ZNF214: variants seen among roughly 807,000 people sequenced by gnomAD.
The protein encoded by ZNF214 is BWSCR2-associated zinc finger protein 1.
ZNF214 carries 43 observed loss-of-function variants against 53.9 expected under a neutral mutation model. The observed-to-expected ratio is 0.80, with a 90% CI of 0.63 to 1.03. The LOEUF (loss-of-function observed/expected upper bound fraction) is 1.03, where lower values mean the gene tolerates loss of function less well. Among genes scored for constraint, ZNF214 ranks in the 50% least tolerant of loss-of-function variants. The probability of loss-of-function intolerance (pLI) is 0.00; values close to 1 mark genes in which losing one functional copy is unlikely to be tolerated. For synonymous variants in ZNF214, 217 were observed against 229.5 expected, an observed-to-expected ratio of 0.95 and a Z score of 0.49; for missense variants, 724 against 719.1, an observed-to-expected ratio of 1.01 and a Z score of -0.08.
In ZNF214 at chr11:6,997,227, T is replaced by C. The variant is rs1851201751; in HGVS notation, c.*2635A>G. ...TTGTATTTTTGCCCAACTTAATGAG[T>C]TTAAATTAGTGCACTTTTCACCTTT... On this transcript the variant is annotated 3_prime_UTR_variant, in exon 3 of 3. Coordinates refer to ENST00000278314, the MANE Select transcript of ZNF214 (RefSeq NM_013249.4). 6.6e-6 allele frequency among the ~76,000 whole-genome samples: 1 copy of C among 151,832 alleles called. No homozygotes were observed. Among genetic ancestry groups the C allele is most frequent in the African/African-American group, 2.4e-5 (1 of 41,384 alleles).
chr11:7,019,783 T>C (rs1289223690), intron 1 of ZNF214: 4 of 152,250 alleles, frequency 2.6e-5, no homozygotes, highest in Non-Finnish European at 5.9e-5. Flanking sequence ...ACCCTCTTTC[T>C]CTAGGGAAAA....
intron 1 of ZNF214, among the ~76,000 whole-genome samples, chr11:7,008,422 G>T (rs1190471043): frequency 6.6e-6 from 1 of 152,058 alleles, no homozygotes; most frequent in Non-Finnish European, 1.5e-5. Context: ...GACAGAGCGA[G>T]ATGCTGTCTT....
rs752198171 is a variant in ZNF214, at chr11:6,999,918, T to A, written c.1765A>T (p.Lys589Ter). 6 of 1,612,736 alleles carry A rather than the reference T, an allele frequency of 3.7e-6. No homozygotes were observed. Among genetic ancestry groups the A allele is most frequent in the Non-Finnish European group, 3.4e-6 (4 of 1,179,254 alleles). The stretch of plus-strand genomic sequence containing the variant: ...AGATGTGAATTATGATCAAATCCCT[T>A]ATAATATTCACGGCATTTGTAAGGT... ...EKPYKCREYY[K>*]GFDHNSHLHN... The change falls in exon 3 of 3, where the codon AAG becomes TAG. Residue 589 changes from lysine (K) to a stop codon, truncating the protein, a stop_gained. Transcript: ENST00000278314. LOFTEE classifies it high-confidence loss of function.
Position 6,997,968 on chromosome 11 carries a change from C to T in ZNF214, c.*1894G>A, listed in dbSNP as rs1851225564. Among the ~76,000 whole-genome samples the T allele has an allele frequency of 6.6e-6, 1 of 151,902 alleles. No homozygotes were observed. The highest frequency in any genetic ancestry group is 2.4e-5 in the African/African-American group (1 of 41,404). ...GGAAACTATCCAGACAACTGCATATCTAATTGATTTCAGTGCTTATCACTA... is the reference window on the plus strand; with the variant it reads ...GGAAACTATCCAGACAACTGCATATTTAATTGATTTCAGTGCTTATCACTA... On this transcript the variant is annotated 3_prime_UTR_variant, in exon 3 of 3. Coordinates refer to ENST00000278314, the MANE Select transcript of ZNF214 (RefSeq NM_013249.4).
intron 1 of ZNF214, among the ~76,000 whole-genome samples, chr11:7,015,070 CAT>C (rs72042461): frequency 0.15 from 22,702 of 147,930 alleles, 2,118 homozygotes; most frequent in Non-Finnish European, 0.21. Context: ...AGAGTTCAGA[CAT>C]ATAAATAATA....
At chr11:7,015,338 G>A (rs1381602989) in intron 1 of ZNF214, among the ~76,000 whole-genome samples, 3 of 152,156 alleles carry the variant, frequency 2.0e-5, no homozygotes, top group Non-Finnish European at 4.4e-5. Flanking sequence ...ATCACTTTGG[G>A]AGGCCAAGGT....
chr11:7,017,567 T>C (rs11041140), intron 1 of ZNF214, among the ~76,000 whole-genome samples: 39,201 of 151,962 alleles, frequency 0.26, 5,416 homozygotes, highest in Admixed American at 0.32. Context: ...TGAAACCCCA[T>C]CTCTACTAAA....
Position 7,000,845 on chromosome 11 carries a change from C to G in ZNF214, c.838G>C (p.Val280Leu). The G allele has an allele frequency of 6.2e-7, 1 of 1,612,558 alleles. No individual in the cohort carries two copies. The highest frequency in any genetic ancestry group is 1.3e-5 in the African/African-American group (1 of 74,938). ...IGKKLYGCDE[V>L]DGNFHQSSGV... ...GAGCTCTGATGAAAGTTACCGTCAA[C>G]TTCATCACATCCGTACAGCTTCTTA... The change falls in exon 3 of 3, where the codon GTT (valine) becomes CTT (leucine). Residue 280 changes from valine to leucine, a missense_variant. Val to Leu is a conservative substitution (Grantham distance 32, BLOSUM62 1). Transcript: ENST00000278314.
At chr11:7,005,629 C>T (rs1851455334) in intron 1 of ZNF214, among the ~76,000 whole-genome samples, 1 of 152,056 alleles carries the variant, frequency 6.6e-6, no homozygotes, top group Non-Finnish European at 1.5e-5. Flanking sequence ...TGCCTATATA[C>T]TTCCTATAGT....
At chr11:7,002,419 A>C (rs1181640508) in intron 2 of ZNF214, among the ~76,000 whole-genome samples, 2 of 152,020 alleles carry the variant, frequency 1.3e-5, no homozygotes, top group African/African-American at 4.8e-5. Flanking sequence ...AAATAGCATG[A>C]AGAGAGAAAA....
chr11:7,008,725 A>G (rs1471213727), intron 1 of ZNF214, among the ~76,000 whole-genome samples: 1 of 152,142 alleles, frequency 6.6e-6, no homozygotes, highest in Non-Finnish European at 1.5e-5. Context: ...CTAATAAACA[A>G]CTTCAGGAAA....
chr11:7,013,720 C>T (rs554814642), intron 1 of ZNF214, among the ~76,000 whole-genome samples: 1 of 152,278 alleles, frequency 6.6e-6, no homozygotes, highest in African/African-American at 2.4e-5. Context: ...GTCACCCCCA[C>T]GACCTGGTGT....
chr11:7,001,642 T>C, intron 2 of ZNF214, 87 bp from the exon 3 acceptor site: 3 of 1,431,090 alleles, frequency 2.1e-6, no homozygotes, highest in East Asian at 2.3e-5. Flanking sequence ...CTTTAAATGA[T>C]AGGAATATAT....
At position 6,997,599 on chromosome 11, in the gene ZNF214, AAAG is replaced by A. The variant is rs1272028347; in HGVS notation, c.*2260_*2262del. On this transcript the variant is annotated 3_prime_UTR_variant, in exon 3 of 3. Transcript: ENST00000278314. The stretch of plus-strand genomic sequence containing the variant: ...TTTTAGGTTTGTAAAAAAAAAAAAA[AAAG>A]GCCTTTCTTAAATTGTCATTCAAAA... Among the ~76,000 whole-genome samples, 24 of 151,708 alleles carry A rather than the reference AAAG, an allele frequency of 1.6e-4. No individual in the cohort carries two copies. Among genetic ancestry groups the A allele is most frequent in the African/African-American group, 4.3e-4 (18 of 41,464 alleles).
chr11:7,003,967 G>T (rs1847499607), intron 1 of ZNF214, among the ~76,000 whole-genome samples: 1 of 151,332 alleles, frequency 6.6e-6, no homozygotes, highest in South Asian at 2.1e-4. Context: ...GAAAAATTTG[G>T]GATGCTCAGA....
intron 1 of ZNF214, among the ~76,000 whole-genome samples, chr11:7,013,585 A>G (rs150066339): frequency 1.3e-5 from 2 of 152,346 alleles, no homozygotes; most frequent in African/African-American, 4.8e-5. Flanking sequence ...TTACCAATAA[A>G]TAGCGTGGGC....
chr11:7,004,815 G>C (rs1389867317), intron 1 of ZNF214, among the ~76,000 whole-genome samples: 2 of 152,202 alleles, frequency 1.3e-5, no homozygotes, highest in East Asian at 3.9e-4. Flanking sequence ...GATGACTACA[G>C]TCCCTGCTGA....
intron 1 of ZNF214, among the ~76,000 whole-genome samples, chr11:7,005,820 C>T (rs1851459566): frequency 6.6e-6 from 1 of 152,004 alleles, no homozygotes; most frequent in African/African-American, 2.4e-5. Context: ...ATACCTTGTG[C>T]ATACATATGC....
intron 1 of ZNF214, among the ~76,000 whole-genome samples, chr11:7,011,625 C>A (rs1380449227): frequency 2.0e-5 from 3 of 151,976 alleles, no homozygotes; most frequent in Non-Finnish European, 2.9e-5. Flanking sequence ...GAATGACCAC[C>A]GTCACTGCTG....
Sources: gnomAD v4.1 joint callset for allele counts (sites outside exome capture counted in the v4.1 genomes callset) on GRCh38, gnomAD v4.1.1 for gene constraint, MANE v1.5 for transcripts, NCBI Gene and HGNC (gene_info 2026-07-23, HGNC 2026-07-21) for gene names.